The following PNPLA8 variants were observed in gnomAD, a reference collection of about 807,000 sequenced individuals.
The protein encoded by PNPLA8 is calcium-independent phospholipase A2-gamma.
PNPLA8 carries 39 observed loss-of-function variants against 76.9 expected under a neutral mutation model. The ratio of observed to expected loss-of-function variants is 0.51; its 90% CI spans 0.39 to 0.66. The LOEUF (loss-of-function observed/expected upper bound fraction) is 0.66, where lower values mean the gene tolerates loss of function less well. Ranked by LOEUF, PNPLA8 falls within the 30% of genes least tolerant of loss-of-function variation. The pLI, the probability that PNPLA8 is intolerant of heterozygous loss-of-function variation, is 0.00. For synonymous variants in PNPLA8, 301 were observed against 307.9 expected, an observed-to-expected ratio of 0.98 and a Z score of 0.24; for missense variants, 887 against 918.0, an observed-to-expected ratio of 0.97 and a Z score of 0.44.
chr7:108,498,948 T>C (rs1861752403), intron 5 of PNPLA8, among the ~76,000 whole-genome samples: 1 of 152,202 alleles, frequency 6.6e-6, no homozygotes, highest in Non-Finnish European at 1.5e-5. Flanking sequence ...TTGATAATGT[T>C]AACAAGAAGT....
intron 9 of PNPLA8, among the ~76,000 whole-genome samples, chr7:108,483,687 T>C (rs918062490): frequency 1.3e-5 from 2 of 152,232 alleles, no homozygotes; most frequent in Non-Finnish European, 2.9e-5. Flanking sequence ...GCTATCTTTA[T>C]ACATTTGTTG....
intron 8 of PNPLA8, among the ~76,000 whole-genome samples, chr7:108,488,298 G>C (rs892209901): frequency 6.6e-6 from 1 of 152,172 alleles, no homozygotes; most frequent in East Asian, 1.9e-4. Context: ...ACTGCTTAAA[G>C]GCTGGGCACA....
At chr7:108,516,485 T>C (rs1318896595) in intron 2 of PNPLA8, among the ~76,000 whole-genome samples, 1 of 152,184 alleles carries the variant, frequency 6.6e-6, no homozygotes, top group African/African-American at 2.4e-5. Flanking sequence ...AAAATGCAAA[T>C]GTATAAAACT....
At chr7:108,516,149 C>A (rs1253629331) in intron 2 of PNPLA8, among the ~76,000 whole-genome samples, 1 of 152,034 alleles carries the variant, frequency 6.6e-6, no homozygotes, top group Non-Finnish European at 1.5e-5. Flanking sequence ...GTAAGTCAGG[C>A]TAGAAGAAAC....
rs1372470592 is a variant in PNPLA8 at position 108,504,050 on chromosome 7, C to T, written c.1207-1408G>A. On this transcript the variant is annotated intron_variant, in intron 4 of 10. Transcript: ENST00000257694. ...GAGATGGTGGTTAAGTGAACACACC[C>T]TGGAAGAATATGCCCAAAAATCAGG... 5.9e-5 allele frequency among the ~76,000 whole-genome samples: 9 copies of T among 152,236 alleles called. No homozygotes were observed. The East Asian group carries it at 1.2e-3, about 20-fold the overall frequency.
intron 10 of PNPLA8, among the ~76,000 whole-genome samples, chr7:108,475,944 A>G (rs1409938954): frequency 6.7e-6 from 1 of 149,612 alleles, no homozygotes; most frequent in East Asian, 1.9e-4. Flanking sequence ...GGAAGTCTTA[A>G]CTCTCTTTTA....
intron 8 of PNPLA8, among the ~76,000 whole-genome samples, chr7:108,489,867 G>C (rs2154515269): frequency 6.6e-6 from 1 of 152,278 alleles, no homozygotes; most frequent in Non-Finnish European, 1.5e-5. Context: ...GCAACACTCA[G>C]ATCATTGGGT....
chr7:108,493,568 C>CTTTTTTTTTTTTTTT (rs34935118), intron 7 of PNPLA8, among the ~76,000 whole-genome samples: 91 of 81,224 alleles, frequency 1.1e-3, no homozygotes, highest in South Asian at 1.6e-3. Flanking sequence ...CCATGCCTGG[C>CTTTTTTTTTTTTTTT]TTTTTTTTTT....
chr7:108,518,252 C>T (rs1863479931), intron 2 of PNPLA8: 1 of 152,140 alleles, frequency 6.6e-6, no homozygotes, highest in South Asian at 2.1e-4. Flanking sequence ...CACAAACATT[C>T]GGACCATAGC....
At chr7:108,510,485 G>C (rs1289476060) in intron 4 of PNPLA8, 3 of 1,413,138 alleles carry the variant, frequency 2.1e-6, no homozygotes, top group Non-Finnish European at 3.0e-6. Flanking sequence ...TGTACCTGCA[G>C]AACCCAAACT....
rs767334376 is a variant in PNPLA8 at position 108,515,032 on chromosome 7, T to A, written c.460A>T (p.Ile154Phe). 6.2e-7 allele frequency: 1 copy of A among 1,607,674 alleles called. No homozygotes were observed. The highest frequency in any genetic ancestry group is 8.5e-7 in the Non-Finnish European group (1 of 1,179,924). The change falls in exon 3 of 11, where the codon ATC becomes TTC. Residue 154 changes from isoleucine to phenylalanine, a missense_variant. Ile to Phe is a conservative substitution (Grantham distance 21). Transcript: ENST00000257694. Reference sequence around the variant, plus strand: ...TCACTATATTTTTTCAGAGATTTGATGGCTTGTTTGATGTTTTTCTGTTTT... The same window carrying A: ...TCACTATATTTTTTCAGAGATTTGAAGGCTTGTTTGATGTTTTTCTGTTTT... Reference protein sequence around the residue: ...WLKQKNIKQAIKSLKKYSDKS... With the variant: ...WLKQKNIKQAFKSLKKYSDKS...
intron 4 of PNPLA8, among the ~76,000 whole-genome samples, chr7:108,508,634 C>T (rs1318572816): frequency 8.0e-6 from 1 of 124,624 alleles, no homozygotes; most frequent in African/African-American, 3.1e-5. Flanking sequence ...CCATCCCCAT[C>T]AAGCTACCAA....
intron 10 of PNPLA8, among the ~76,000 whole-genome samples, chr7:108,478,436 G>T (rs1270952527): frequency 6.6e-6 from 1 of 152,084 alleles, no homozygotes; most frequent in Non-Finnish European, 1.5e-5. Flanking sequence ...TGTAGCCCAG[G>T]CTAGAGTATA....
At chr7:108,526,874 A>G (rs922948203), upstream of PNPLA8, among the ~76,000 whole-genome samples, 1 of 152,150 alleles carries the variant, frequency 6.6e-6, no homozygotes, top group Non-Finnish European at 1.5e-5. Flanking sequence ...TGGGTTTCAC[A>G]TTTTTCAAAG....
At chr7:108,510,253 G>C in intron 4 of PNPLA8, 1 of 1,535,912 alleles carries the variant, frequency 6.5e-7, no homozygotes, top group African/African-American at 1.4e-5. Context: ...TAGAAGAGAA[G>C]AAGAAGGTTC....
At chr7:108,525,077 G>A (rs1030152027) in intron 1 of PNPLA8, among the ~76,000 whole-genome samples, 2 of 151,736 alleles carry the variant, frequency 1.3e-5, no homozygotes, top group Non-Finnish European at 2.9e-5. Context: ...TCCTGATATA[G>A]AAATAAAAAA....
intron 9 of PNPLA8, among the ~76,000 whole-genome samples, chr7:108,481,480 C>T (rs915127547): frequency 3.9e-5 from 6 of 152,180 alleles, no homozygotes; most frequent in Admixed American, 3.9e-4. Context: ...TGTCTTTTCA[C>T]ACCCTCATTT....
At chr7:108,512,991 A>G (rs1247958314) in intron 4 of PNPLA8, among the ~76,000 whole-genome samples, 2 of 152,154 alleles carry the variant, frequency 1.3e-5, no homozygotes, top group Non-Finnish European at 2.9e-5. Flanking sequence ...CCCTTCTGCC[A>G]TCTAAGTAGG....
chr7:108,510,390 C>G, intron 4 of PNPLA8: 1 of 1,551,106 alleles, frequency 6.4e-7, no homozygotes, highest in Non-Finnish European at 8.8e-7. Context: ...TATGAAAAAG[C>G]AAAGCACTAT....
Sources: gnomAD v4.1 joint callset for allele counts (sites outside exome capture counted in the v4.1 genomes callset) on GRCh38, gnomAD v4.1.1 for gene constraint, MANE v1.5 for transcripts, NCBI Gene and HGNC (gene_info 2026-07-23, HGNC 2026-07-21) for gene names.